The following MYO3A variants were observed in gnomAD, a reference collection of about 807,000 sequenced individuals.
MYO3A encodes myosin IIIA.
MYO3A carries 180 observed loss-of-function variants against 192.7 expected under a neutral mutation model. The ratio of observed to expected loss-of-function variants is 0.93; its 90% CI spans 0.83 to 1.06. MYO3A has a LOEUF of 1.06. MYO3A is among the 50% of genes least tolerant of loss of function. MYO3A has a pLI of 0.00. For missense variants in MYO3A, 1,896 were observed against 1,905.0 expected, an observed-to-expected ratio of 1.00 and a Z score of 0.09; for synonymous variants, 628 against 645.3, an observed-to-expected ratio of 0.97 and a Z score of 0.41.
At position 26,067,126 on chromosome 10, in the gene MYO3A, T is replaced by C. The variant is rs922796418; in HGVS notation, c.1053+52T>C. 1.1e-5 allele frequency: 14 copies of C among 1,224,596 alleles called. No homozygotes were observed. The Admixed American group carries it at 2.4e-4, about 21-fold the overall frequency. The allele number at this position is 1,224,596 out of a possible 1,614,324, so 75.9% of individuals were successfully genotyped here. A position where few individuals can be genotyped will look rare whatever the true frequency, so the allele number is the denominator to read the frequency against. ...AGACATTCCAGATGTTTTGTTAATT[T>C]ATAGAAGACACGGGTATTGGTAGAA... On this transcript the variant is annotated intron_variant, in intron 11 of 34. Coordinates refer to ENST00000642920, the MANE Select transcript of MYO3A (RefSeq NM_017433.5).
intron 6 of MYO3A, among the ~76,000 whole-genome samples, chr10:26,005,795 G>A (rs1278595947): frequency 6.6e-6 from 1 of 151,898 alleles, no homozygotes; most frequent in Non-Finnish European, 1.5e-5. Flanking sequence ...AAAGAAACTA[G>A]GGGGAAACCA....
intron 8 of MYO3A, chr10:26,022,488 C>T (rs1262568248): frequency 6.6e-6 from 1 of 152,114 alleles, no homozygotes; most frequent in Non-Finnish European, 1.5e-5. Flanking sequence ...CATTTGAATT[C>T]ATTTTTAATT....
intron 10 of MYO3A, among the ~76,000 whole-genome samples, chr10:26,051,266 A>G (rs1402623068): frequency 6.6e-6 from 1 of 152,206 alleles, no homozygotes; most frequent in Non-Finnish European, 1.5e-5. Context: ...AGAAAAGCTT[A>G]TAATGCCAGA....
In MYO3A at chr10:26,065,831, C is replaced by T. The variant is rs969174051; in HGVS notation, c.954-1144C>T. On this transcript the variant is annotated intron_variant, in intron 10 of 34. Transcript: ENST00000642920. ...AAGCTATTATAGTATACAAAAAGAG[C>T]AGTGGGCCGGGCGCGGTGGCTCACG... Among the ~76,000 whole-genome samples the T allele has an allele frequency of 8.0e-5, 9 of 112,044 alleles. 1 individual carries two copies. Among genetic ancestry groups the T allele is most frequent in the African/African-American group, 2.6e-4 (9 of 34,802 alleles). 73.5% of individuals were successfully genotyped at this position (112,044 alleles called of 152,430 possible).
intron 10 of MYO3A, among the ~76,000 whole-genome samples, chr10:26,060,317 A>C (rs1834383325): frequency 6.6e-6 from 1 of 151,552 alleles, no homozygotes; most frequent in Admixed American, 6.6e-5. Context: ...AAAATACAAA[A>C]ATTAGCCTGG....
intron 31 of MYO3A, among the ~76,000 whole-genome samples, chr10:26,190,817 C>T (rs1843089369): frequency 6.6e-6 from 1 of 152,056 alleles, no homozygotes; most frequent in Non-Finnish European, 1.5e-5. Flanking sequence ...AACTGCAATT[C>T]CCTTTGCACC....
chr10:26,163,849 T>C (rs1177579626), intron 26 of MYO3A, among the ~76,000 whole-genome samples: 1 of 151,916 alleles, frequency 6.6e-6, no homozygotes, highest in African/African-American at 2.4e-5. Flanking sequence ...TAGAAAAAAA[T>C]GGAACACTGT....
At chr10:25,963,280 GTCA>G (rs1049420438) in intron 4 of MYO3A, among the ~76,000 whole-genome samples, 1 of 152,080 alleles carries the variant, frequency 6.6e-6, no homozygotes, top group African/African-American at 2.4e-5. Flanking sequence ...CACATTTTCG[GTCA>G]TCAAAGTGGT....
At chr10:26,210,654 G>A (rs192880562) in intron 34 of MYO3A, among the ~76,000 whole-genome samples, 1 of 152,272 alleles carries the variant, frequency 6.6e-6, no homozygotes, top group Admixed American at 6.5e-5. Context: ...TCACTGTGAG[G>A]AGAAGTCAAG....
rs188093819 is a variant in MYO3A at position 26,212,047 on chromosome 10, A to C, written c.*84A>C. The C allele has an allele frequency of 1.3e-6, 2 of 1,525,660 alleles. No individual in the cohort carries two copies. The highest frequency in any genetic ancestry group is 2.3e-5 in the East Asian group (1 of 43,018). 94.5% of individuals were successfully genotyped at this position (1,525,660 alleles called of 1,614,324 possible). ...GCCAAGCAGGCACTCTGGGGCTGGC[A>C]CCAGCAGGCACTGAAGCTGCGGCCC... On this transcript the variant is annotated 3_prime_UTR_variant, in exon 35 of 35. Coordinates refer to ENST00000642920, the MANE Select transcript of MYO3A (RefSeq NM_017433.5).
rs530678915 is a variant in MYO3A at position 25,971,129 on chromosome 10, G to A, written c.303+16121G>A. On this transcript the variant is annotated intron_variant, in intron 4 of 34. Transcript: ENST00000642920. ...TTTTTTTATATTTTAAAGAAAAGCA[G>A]AAGAAAGAAGAACAAGTATTTAATT... 3.9e-5 allele frequency among the ~76,000 whole-genome samples: 6 copies of A among 152,122 alleles called. No individual in the cohort carries two copies. The South Asian group carries it at 8.3e-4, about 21-fold the overall frequency.
chr10:26,078,556 G>GTTTGGT (rs1277172085), intron 14 of MYO3A, among the ~76,000 whole-genome samples: 2 of 151,728 alleles, frequency 1.3e-5, no homozygotes, highest in African/African-American at 4.8e-5. Context: ...TTTGGTTTGG[G>GTTTGGT]TTTGGTTTGT....
intron 31 of MYO3A, among the ~76,000 whole-genome samples, chr10:26,182,569 G>A (rs1042444000): frequency 6.6e-6 from 1 of 152,162 alleles, no homozygotes; most frequent in Non-Finnish European, 1.5e-5. Context: ...CTAAGAAAAT[G>A]ACTATGAACA....
chr10:26,023,910 C>G, intron 8 of MYO3A, 112 bp from the exon 9 acceptor site: 1 of 927,556 alleles, frequency 1.1e-6, no homozygotes. Context: ...AAGATGGAAT[C>G]CTTGATTACA....
chr10:25,957,122 A>G (rs755351675), intron 4 of MYO3A, among the ~76,000 whole-genome samples: 4 of 152,194 alleles, frequency 2.6e-5, no homozygotes, highest in Non-Finnish European at 5.9e-5. Flanking sequence ...TTCTTTATTC[A>G]GTCTGCCATT....
chr10:26,132,965 T>C (rs553366108), intron 20 of MYO3A, among the ~76,000 whole-genome samples: 1 of 152,316 alleles, frequency 6.6e-6, no homozygotes, highest in Admixed American at 6.5e-5. Context: ...TTACAAAGAA[T>C]AAAAATTCAC....
intron 14 of MYO3A, among the ~76,000 whole-genome samples, chr10:26,077,233 G>GTTTTGTT (rs1835633881): frequency 2.8e-5 from 1 of 36,284 alleles, no homozygotes; most frequent in Non-Finnish European, 5.3e-5. Flanking sequence ...TATTCCTAAG[G>GTTTTGTT]TTTTTTTTTT....
chr10:25,964,149 G>A (rs2130673139), intron 4 of MYO3A, among the ~76,000 whole-genome samples: 1 of 152,144 alleles, frequency 6.6e-6, no homozygotes, highest in African/African-American at 2.4e-5. Flanking sequence ...TGAAGTAAGT[G>A]TTCTATATTT....
At chr10:25,977,556 T>A (rs1215004241) in intron 4 of MYO3A, among the ~76,000 whole-genome samples, 1 of 152,156 alleles carries the variant, frequency 6.6e-6, no homozygotes, top group African/African-American at 2.4e-5. Context: ...ATTTTAAAAA[T>A]TTTGTCATTT....
Sources: gnomAD v4.1 joint callset for allele counts (sites outside exome capture counted in the v4.1 genomes callset) on GRCh38, gnomAD v4.1.1 for gene constraint, MANE v1.5 for transcripts, NCBI Gene and HGNC (gene_info 2026-07-23, HGNC 2026-07-21) for gene names.